The following NAP1L1 variants were observed in gnomAD, a reference collection of about 807,000 sequenced individuals.
NAP1L1 encodes the protein nucleosome assembly protein 1-like 1.
In NAP1L1, 9 loss-of-function variants were observed where a neutral mutation model predicts 58.9. The observed-to-expected ratio is 0.15, with a 90% CI of 0.09 to 0.27. NAP1L1 has a LOEUF of 0.27. Ranked by LOEUF, NAP1L1 falls within the 10% of genes least tolerant of loss-of-function variation. The pLI is 1.00. For synonymous variants in NAP1L1, 130 were observed against 138.3 expected, an observed-to-expected ratio of 0.94 and a Z score of 0.42; for missense variants, 302 against 458.8, an observed-to-expected ratio of 0.66 and a Z score of 3.12.
chr12:76,055,143 TTC>T, intron 7 of NAP1L1, 53 bp from the exon 8 acceptor site: 1 of 1,271,268 alleles, frequency 7.9e-7, no homozygotes, highest in Non-Finnish European at 1.1e-6. Context: ...GAGGACTGTG[TTC>T]TGTTACTACA....
At position 76,042,496 on chromosome 12, in the gene NAP1L1, T is replaced by G. The variant is rs1171118593; in HGVS notation, c.*5933A>C. 1 of 152,226 alleles carries G rather than the reference T, an allele frequency of 6.6e-6. No homozygotes were observed. The highest frequency in any genetic ancestry group is 1.5e-5 in the Non-Finnish European group (1 of 68,040). 9.4% of individuals were successfully genotyped at this position (152,226 alleles called of 1,614,324 possible). ...CATTTGTTTAGGGGCTGAAAAGTTT[T>G]AGTCTAAAATTAGATCTCCATTTTT... On this transcript the variant is annotated 3_prime_UTR_variant, in exon 15 of 15. Coordinates refer to ENST00000618691, the MANE Select transcript of NAP1L1 (RefSeq NM_004537.7).
intron 1 of NAP1L1, among the ~76,000 whole-genome samples, chr12:76,076,695 G>C (rs928998018): frequency 6.6e-6 from 1 of 151,368 alleles, no homozygotes; most frequent in South Asian, 2.1e-4. Flanking sequence ...AGGGACTGGG[G>C]GTAATGAGAA....
intron 4 of NAP1L1, among the ~76,000 whole-genome samples, chr12:76,065,951 G>C (rs757037599): frequency 6.6e-6 from 1 of 151,214 alleles, no homozygotes; most frequent in Non-Finnish European, 1.5e-5. Flanking sequence ...AAACATAAGA[G>C]TGCTGCTCAA....
intron 13 of NAP1L1, 182 bp downstream of exon 13, chr12:76,049,574 G>C: frequency 1.3e-6 from 2 of 1,528,318 alleles, no homozygotes; most frequent in Non-Finnish European, 1.8e-6. Context: ...GCTGAGTTTT[G>C]CAATTTATTT....
At chr12:76,077,607 T>C (rs1325250491) in intron 1 of NAP1L1, among the ~76,000 whole-genome samples, 2 of 152,176 alleles carry the variant, frequency 1.3e-5, no homozygotes, top group South Asian at 2.1e-4. Flanking sequence ...TTATTTGTTA[T>C]ACATTAAATT....
At chr12:76,059,511 G>C in intron 6 of NAP1L1, 1 of 315,604 alleles carries the variant, frequency 3.2e-6, no homozygotes, top group South Asian at 5.2e-5. Flanking sequence ...CTTTAAGTCA[G>C]GTGCTGCAAA....
intron 2 of NAP1L1, among the ~76,000 whole-genome samples, chr12:76,069,227 A>G (rs1192382847): frequency 1.3e-5 from 2 of 152,230 alleles, no homozygotes; most frequent in Non-Finnish European, 2.9e-5. Flanking sequence ...TTGAAGCTTT[A>G]TAAAATTGGT....
intron 6 of NAP1L1, among the ~76,000 whole-genome samples, chr12:76,059,257 G>A (rs187036612): frequency 6.6e-6 from 1 of 152,344 alleles, no homozygotes; most frequent in African/African-American, 2.4e-5. Context: ...TTGGAAACAT[G>A]TTTGGTAATG....
At chr12:76,078,002 G>GA (rs1950257483) in intron 1 of NAP1L1, among the ~76,000 whole-genome samples, 46 of 79,504 alleles carry the variant, frequency 5.8e-4, no homozygotes, top group African/African-American at 1.9e-3. Context: ...AAAAAAAAAA[G>GA]GAAAAGAATT....
intron 6 of NAP1L1, among the ~76,000 whole-genome samples, chr12:76,059,176 C>T (rs745373542): frequency 3.9e-5 from 6 of 152,096 alleles, no homozygotes; most frequent in Non-Finnish European, 7.4e-5. Flanking sequence ...AGTGATGGTG[C>T]ACTGTGTGGT....
chr12:76,079,549 TTAA>T (rs1464360784), intron 1 of NAP1L1, among the ~76,000 whole-genome samples: 2 of 152,126 alleles, frequency 1.3e-5, no homozygotes, highest in Admixed American at 6.5e-5. Flanking sequence ...GTATCACGTA[TTAA>T]TGTCAGGAAA....
At chr12:76,061,279 C>A (rs1239161397) in intron 4 of NAP1L1, among the ~76,000 whole-genome samples, 1 of 152,170 alleles carries the variant, frequency 6.6e-6, no homozygotes, top group Non-Finnish European at 1.5e-5. Context: ...TCTCCCTCCT[C>A]CCACACTCCA....
intron 3 of NAP1L1, 116 bp downstream of exon 3, chr12:76,068,793 C>A: frequency 1.5e-6 from 1 of 650,122 alleles, no homozygotes; most frequent in Non-Finnish European, 2.7e-6. Context: ...AAGTATGGAC[C>A]AGTAGATAAA....
In NAP1L1 at chr12:76,045,490, A is replaced by G. The variant is rs1948592323; in HGVS notation, c.*2939T>C. The G allele has an allele frequency of 6.6e-6, 1 of 152,072 alleles. No homozygotes were observed. The allele number at this position is 152,072 out of a possible 1,614,324, so 9.4% of individuals were successfully genotyped here. A position where few individuals can be genotyped will look rare whatever the true frequency, so the allele number is the denominator to read the frequency against. On this transcript the variant is annotated 3_prime_UTR_variant, in exon 15 of 15. Coordinates refer to ENST00000618691, the MANE Select transcript of NAP1L1 (RefSeq NM_004537.7). ...CTTACCATATCATTAACCTATTCAC[A>G]CAACAAAAATATTTTTATGAAAGTT...
At chr12:76,067,182 T>C (rs979716499) in intron 4 of NAP1L1, among the ~76,000 whole-genome samples, 189 bp downstream of exon 4, 1 of 152,024 alleles carries the variant, frequency 6.6e-6, no homozygotes, top group Non-Finnish European at 1.5e-5. Flanking sequence ...CCACAATAAA[T>C]AAACTTTAAA....
chr12:76,076,119 G>A (rs951889974), intron 1 of NAP1L1, among the ~76,000 whole-genome samples: 1 of 152,100 alleles, frequency 6.6e-6, no homozygotes, highest in African/African-American at 2.4e-5. Context: ...CACCTAGAAG[G>A]TTCTTCCACA....
chr12:76,077,980 C>CG (rs1950251022), intron 1 of NAP1L1, among the ~76,000 whole-genome samples: 2 of 65,964 alleles, frequency 3.0e-5, no homozygotes, highest in African/African-American at 1.3e-4. Flanking sequence ...GACCCTGTCT[C>CG]AAAAAAAAAA....
At chr12:76,069,028 T>G in intron 2 of NAP1L1, 34 bp from the exon 3 acceptor site, 1 of 1,453,470 alleles carries the variant, frequency 6.9e-7, no homozygotes. Flanking sequence ...AAGGTTCAAA[T>G]GTACCAATTA....
chr12:76,058,509 C>G (rs1302420609), intron 6 of NAP1L1, among the ~76,000 whole-genome samples: 2 of 151,578 alleles, frequency 1.3e-5, no homozygotes, highest in Non-Finnish European at 2.9e-5. Flanking sequence ...GCCTGAGCCT[C>G]CCGAGTAGGT....
Sources: gnomAD v4.1 joint callset for allele counts (sites outside exome capture counted in the v4.1 genomes callset) on GRCh38, gnomAD v4.1.1 for gene constraint, MANE v1.5 for transcripts, NCBI Gene and HGNC (gene_info 2026-07-23, HGNC 2026-07-21) for gene names.